The following TRAK1 variants were observed in gnomAD, a reference collection of about 807,000 sequenced individuals.
The protein encoded by TRAK1 is trafficking kinesin protein 1, also known as trafficking kinesin-binding protein 1.
TRAK1 carries 33 observed loss-of-function variants against 92.1 expected under a neutral mutation model. The observed-to-expected ratio is 0.36, with a 90% CI of 0.27 to 0.48. The LOEUF (loss-of-function observed/expected upper bound fraction) is 0.48, where lower values mean the gene tolerates loss of function less well. Among genes scored for constraint, TRAK1 ranks in the 20% least tolerant of loss-of-function variants. TRAK1 has a pLI of 0.99. For synonymous variants in TRAK1, 521 were observed against 517.3 expected, an observed-to-expected ratio of 1.01 and a Z score of -0.10; for missense variants, 1,123 against 1,257.9, an observed-to-expected ratio of 0.89 and a Z score of 1.62.
rs547587798 is a variant in TRAK1, at chr3:42,128,961, C to T, written c.286+3347C>T. ...TTTCTTTTATTCTTTAATAAAGAAG[C>T]ACTTATCAGATATCACAGCCTTTTT... On this transcript the variant is annotated intron_variant, in intron 2 of 15. Coordinates refer to ENST00000327628, the MANE Select transcript of TRAK1 (RefSeq NM_001042646.3). Among the ~76,000 whole-genome samples, 7 of 152,344 alleles carry T rather than the reference C, an allele frequency of 4.6e-5. No individual in the cohort carries two copies. In the East Asian group the frequency reaches 9.6e-4, roughly 21 times the overall value.
chr3:42,078,475 C>T (rs1704263203), intron 1 of TRAK1, among the ~76,000 whole-genome samples: 1 of 151,796 alleles, frequency 6.6e-6, no homozygotes, highest in Non-Finnish European at 1.5e-5. Context: ...AGGCAGAGGC[C>T]AGGCACGGTG....
chr3:42,098,528 C>G (rs985486576), intron 1 of TRAK1, among the ~76,000 whole-genome samples: 2 of 152,242 alleles, frequency 1.3e-5, no homozygotes, highest in East Asian at 1.9e-4. Context: ...GGCTGAAGAC[C>G]GTGAGTTCTG....
chr3:42,212,165 A>T (rs1337486450), intron 14 of TRAK1: 3 of 985,446 alleles, frequency 3.0e-6, no homozygotes, highest in Non-Finnish European at 3.6e-6. Context: ...GCCTGCAATC[A>T]TGGAGACACA....
chr3:42,090,244 C>G (rs1704937518), upstream of TRAK1, among the ~76,000 whole-genome samples: 1 of 152,212 alleles, frequency 6.6e-6, no homozygotes, highest in Non-Finnish European at 1.5e-5. Context: ...GACCCAACCG[C>G]ATCTACATTT....
intron 1 of TRAK1, among the ~76,000 whole-genome samples, chr3:42,112,134 A>C (rs1174962892): frequency 4.0e-5 from 4 of 100,414 alleles, no homozygotes. Flanking sequence ...CTCAGCTCTT[A>C]CTTTTTTTTT....
chr3:42,067,095 A>G (rs1232827676), intron 1 of TRAK1, among the ~76,000 whole-genome samples: 1 of 152,208 alleles, frequency 6.6e-6, no homozygotes, highest in Non-Finnish European at 1.5e-5. Context: ...TGTGTGTGTT[A>G]GTGCTTCGTA....
chr3:42,030,011 C>T (rs1364037836), intron 1 of TRAK1, among the ~76,000 whole-genome samples: 1 of 151,916 alleles, frequency 6.6e-6, no homozygotes, highest in African/African-American at 2.4e-5. Context: ...ATGTGACGTG[C>T]CCTGTGGGGT....
rs369435084 is a variant in TRAK1, at chr3:42,143,308, C to CTTT, written c.286+17706_286+17708dup. On this transcript the variant is annotated intron_variant, in intron 2 of 15. Coordinates refer to ENST00000327628, the MANE Select transcript of TRAK1 (RefSeq NM_001042646.3). ...TTTATCTTCTTTAATTGTACCTCTT[C>CTTT]TTTTTTTTTTTTTTCTTTCAAATTC... is the stretch of plus-strand genomic sequence containing the variant. Among the ~76,000 whole-genome samples the CTTT allele has an allele frequency of 1.4e-3, 189 of 139,240 alleles. 1 individual carries two copies. Among genetic ancestry groups the CTTT allele is most frequent in the Middle Eastern group, 3.9e-3 (1 of 256 alleles). 91.3% of individuals were successfully genotyped at this position (139,240 alleles called of 152,430 possible). A position where few individuals can be genotyped will look rare whatever the true frequency, so the allele number is the denominator to read the frequency against.
chr3:42,192,878 T>C (rs554571147), intron 7 of TRAK1, among the ~76,000 whole-genome samples, 197 bp from the exon 8 acceptor site: 1 of 152,312 alleles, frequency 6.6e-6, no homozygotes, highest in South Asian at 2.1e-4. Context: ...TCATAACTGA[T>C]TGAGCCCTGA....
chr3:42,188,661 G>A (rs41289566), intron 5 of TRAK1, among the ~76,000 whole-genome samples: 9,125 of 152,312 alleles, frequency 0.06, 289 homozygotes, highest in Middle Eastern at 0.085. Flanking sequence ...GGAGATAACA[G>A]TAGAACTTAG....
intron 1 of TRAK1, among the ~76,000 whole-genome samples, chr3:42,111,260 A>G (rs1420393966): frequency 2.6e-5 from 4 of 152,376 alleles, no homozygotes; most frequent in East Asian, 3.9e-4. Flanking sequence ...ATTCCTGGAC[A>G]CAGGTAGAAC....
At chr3:42,102,489 G>A (rs1257411088) in intron 1 of TRAK1, among the ~76,000 whole-genome samples, 1 of 152,218 alleles carries the variant, frequency 6.6e-6, no homozygotes, top group East Asian at 1.9e-4. Context: ...GATGCTGGAT[G>A]TTTTGCTCAT....
chr3:42,033,744 G>A (rs1478006870), intron 1 of TRAK1, among the ~76,000 whole-genome samples: 3 of 152,190 alleles, frequency 2.0e-5, no homozygotes, highest in Non-Finnish European at 4.4e-5. Flanking sequence ...TTGACAGCAT[G>A]TAAGATGCAT....
intron 4 of TRAK1, among the ~76,000 whole-genome samples, chr3:42,187,693 C>T (rs1401626834): frequency 6.6e-6 from 1 of 152,140 alleles, no homozygotes; most frequent in Non-Finnish European, 1.5e-5. Flanking sequence ...TCTCGAACTC[C>T]TGACTTCAGA....
At chr3:42,090,428 A>G (rs903435298), upstream of TRAK1, among the ~76,000 whole-genome samples, 5 of 152,178 alleles carry the variant, frequency 3.3e-5, no homozygotes, top group African/African-American at 9.7e-5. Context: ...GCTCACGCCT[A>G]TGATCCCAGC....
rs1425697080 is a variant in TRAK1, at chr3:42,223,985, C to A, written c.*248C>A. ...CGATCCCACAGGAAGTGCCCCTGCA[C>A]TGTCATCACTCTCACGAGGACGTCA... is the stretch of plus-strand genomic sequence containing the variant. On this transcript the variant is annotated 3_prime_UTR_variant, in exon 16 of 16. Coordinates refer to ENST00000327628, the MANE Select transcript of TRAK1 (RefSeq NM_001042646.3). This position sits in a 1 kb window ranked among gnomAD's most constrained non-coding sequence, Gnocchi z 6.1. 1 of 640,516 alleles carries A rather than the reference C, an allele frequency of 1.6e-6. No homozygotes were observed. Among genetic ancestry groups the A allele is most frequent in the South Asian group, 1.5e-5 (1 of 64,916 alleles). 39.7% of individuals were successfully genotyped at this position (640,516 alleles called of 1,614,324 possible).
chr3:42,160,041 G>A, intron 2 of TRAK1: 1 of 520,990 alleles, frequency 1.9e-6, no homozygotes, highest in Admixed American at 4.9e-5. Flanking sequence ...CTGAGATCCT[G>A]TACCTTCCTG....
intron 2 of TRAK1, among the ~76,000 whole-genome samples, chr3:42,155,648 A>AC (rs1700449741): frequency 2.0e-5 from 3 of 152,150 alleles, no homozygotes; most frequent in Admixed American, 2.0e-4. Flanking sequence ...AATAAGGGGC[A>AC]CCCTTTAGAT....
chr3:42,195,096 C>T (rs1270615852), intron 10 of TRAK1, among the ~76,000 whole-genome samples, 155 bp downstream of exon 10: 1 of 152,192 alleles, frequency 6.6e-6, no homozygotes, highest in African/African-American at 2.4e-5. Flanking sequence ...TTGAATCTGA[C>T]TGGTGGTTTC....
Sources: allele counts gnomAD v4.1 joint callset (sites outside exome capture counted in the v4.1 genomes callset), GRCh38; gene constraint gnomAD v4.1.1; non-coding constraint Gnocchi (gnomAD v3.1); transcripts MANE v1.5; gene names NCBI Gene and HGNC (gene_info 2026-07-23, HGNC 2026-07-21).